Variants in NRXN3 observed in about 807,000 individuals in gnomAD.
NRXN3 encodes neurexin III.
Under a neutral mutation model 137.6 loss-of-function variants are expected in NRXN3, and 32 were observed. The ratio of observed to expected loss-of-function variants is 0.23; its 90% CI spans 0.18 to 0.31. The LOEUF (loss-of-function observed/expected upper bound fraction) is 0.31, where lower values mean the gene tolerates loss of function less well. NRXN3 is among the 10% of genes least tolerant of loss of function. The pLI, the probability that NRXN3 is intolerant of heterozygous loss-of-function variation, is 1.00. For missense variants in NRXN3, 1,574 were observed against 2,062.5 expected, an observed-to-expected ratio of 0.76 and a Z score of 4.59; for synonymous variants, 798 against 784.5, an observed-to-expected ratio of 1.02 and a Z score of -0.29.
chr14:79,576,832 A>T (rs1169935231), intron 16 of NRXN3, among the ~76,000 whole-genome samples: 1 of 152,182 alleles, frequency 6.6e-6, no homozygotes, highest in East Asian at 1.9e-4. Context: ...TCAATATTTT[A>T]AAATTTTCAG....
intron 16 of NRXN3, among the ~76,000 whole-genome samples, chr14:79,546,062 C>T (rs886766448): frequency 9.9e-5 from 15 of 152,132 alleles, no homozygotes; most frequent in African/African-American, 3.6e-4. Flanking sequence ...GCTGCCATTT[C>T]ACGTAAGGTG....
chr14:79,739,797 C>T (rs1461267237), intron 19 of NRXN3, among the ~76,000 whole-genome samples: 1 of 151,992 alleles, frequency 6.6e-6, no homozygotes, highest in African/African-American at 2.4e-5. Flanking sequence ...GCAAGCCCAA[C>T]TCTATGTATC....
intron 8 of NRXN3, chr14:78,744,490 A>T (rs973679022): frequency 6.6e-6 from 1 of 152,320 alleles, no homozygotes; most frequent in Non-Finnish European, 1.5e-5. Flanking sequence ...AGAGAATTTC[A>T]GTTGCCCACG....
intron 15 of NRXN3, among the ~76,000 whole-genome samples, chr14:79,256,160 G>A (rs201185328): frequency 6.8e-6 from 1 of 147,354 alleles, no homozygotes; most frequent in Admixed American, 6.7e-5. Context: ...CTGTCTCTCT[G>A]TCTCTCTCTC....
intron 3 of NRXN3, among the ~76,000 whole-genome samples, chr14:78,281,576 T>G (rs2074415728): frequency 6.6e-6 from 1 of 152,162 alleles, no homozygotes; most frequent in Non-Finnish European, 1.5e-5. Flanking sequence ...TTTCTTCCAC[T>G]TCATGGGGTG....
intron 16 of NRXN3, among the ~76,000 whole-genome samples, chr14:79,565,111 T>G (rs1276960047): frequency 1.3e-5 from 2 of 151,850 alleles, no homozygotes; most frequent in African/African-American, 4.8e-5. Context: ...TTATTGAAAT[T>G]TTATAGCATT....
At chr14:78,189,906 CA>C (rs2060560166) in intron 1 of NRXN3, among the ~76,000 whole-genome samples, 2 of 152,208 alleles carry the variant, frequency 1.3e-5, no homozygotes, top group Admixed American at 1.3e-4. Context: ...ACCCTTTCCA[CA>C]ACAGCACTTT....
At chr14:78,879,172 G>A (rs1426958220) in intron 10 of NRXN3, among the ~76,000 whole-genome samples, 1 of 152,104 alleles carries the variant, frequency 6.6e-6, no homozygotes, top group East Asian at 1.9e-4. Context: ...AGTGAATGTT[G>A]GACTGCAGAT....
chr14:78,960,177 C>T (rs985312842), intron 11 of NRXN3, among the ~76,000 whole-genome samples: 1 of 152,064 alleles, frequency 6.6e-6, no homozygotes, highest in East Asian at 1.9e-4. Context: ...CCCCCAACCC[C>T]CCGAACTTCA....
At chr14:78,973,473 C>CATTAAA (rs2099451555) in intron 14 of NRXN3, among the ~76,000 whole-genome samples, 1 of 152,110 alleles carries the variant, frequency 6.6e-6, no homozygotes, top group South Asian at 2.1e-4. Flanking sequence ...ACACTAATGT[C>CATTAAA]ATTAAAATGT....
chr14:78,896,601 T>G lies in NRXN3; in HGVS notation c.2276-60641T>G, dbSNP rs188669981. 2.0e-5 allele frequency among the ~76,000 whole-genome samples: 3 copies of G among 151,888 alleles called. No homozygotes were observed. In the East Asian group the frequency reaches 5.9e-4, roughly 30 times the overall value. On this transcript the variant is annotated intron_variant, in intron 10 of 20. Transcript: ENST00000335750. ...AATTGAGGGAGAAGAGAGATCAACATTATATATTTCACATGGCAGAGGGTA... is the reference window on the plus strand; with the variant it reads ...AATTGAGGGAGAAGAGAGATCAACAGTATATATTTCACATGGCAGAGGGTA...
chr14:79,060,477 C>G (rs1447398741), intron 15 of NRXN3, among the ~76,000 whole-genome samples: 4 of 152,180 alleles, frequency 2.6e-5, no homozygotes, highest in Non-Finnish European at 4.4e-5. Context: ...ATCTCCATCT[C>G]TATTCCTATG....
At chr14:78,696,552 G>A (rs1288932092) in intron 6 of NRXN3, among the ~76,000 whole-genome samples, 1 of 151,972 alleles carries the variant, frequency 6.6e-6, no homozygotes, top group Non-Finnish European at 1.5e-5. Context: ...TTTCAACTCA[G>A]AGTATATGCT....
chr14:79,518,709 T>C (rs141666481), intron 16 of NRXN3, among the ~76,000 whole-genome samples: 1 of 152,296 alleles, frequency 6.6e-6, no homozygotes, highest in East Asian at 1.9e-4. Flanking sequence ...CTTGTTTAAT[T>C]GCATTAGATA....
At chr14:79,435,579 G>T (rs1050817790) in intron 15 of NRXN3, among the ~76,000 whole-genome samples, 1 of 136,262 alleles carries the variant, frequency 7.3e-6, no homozygotes, top group Non-Finnish European at 1.6e-5. Flanking sequence ...TGGCAAGGAT[G>T]TAGAACACTA....
chr14:78,189,381 C>A (rs1342979652), intron 1 of NRXN3, among the ~76,000 whole-genome samples: 2 of 152,106 alleles, frequency 1.3e-5, no homozygotes, highest in Non-Finnish European at 2.9e-5. Context: ...CCTCCTGTTC[C>A]ACTCTGAGTA....
intron 2 of NRXN3, among the ~76,000 whole-genome samples, chr14:78,265,972 TC>T (rs1430743107): frequency 6.6e-6 from 1 of 152,158 alleles, no homozygotes; most frequent in Non-Finnish European, 1.5e-5. Context: ...CCTAGCACCA[TC>T]CCTGGGACAT....
chr14:79,854,002 T>C (rs1244909413), intron 20 of NRXN3: 1 of 984,272 alleles, frequency 1.0e-6, no homozygotes, highest in Non-Finnish European at 1.2e-6. Context: ...TGTTATGTGG[T>C]GTGGATGTAT....
chr14:78,993,793 A>G (rs1339987633), intron 15 of NRXN3, among the ~76,000 whole-genome samples: 1 of 146,666 alleles, frequency 6.8e-6, no homozygotes, highest in East Asian at 2.1e-4. Context: ...TATGAAGAGC[A>G]GCTGCTTTTA....
Sources: allele counts gnomAD v4.1 joint callset (sites outside exome capture counted in the v4.1 genomes callset), GRCh38; gene constraint gnomAD v4.1.1; transcripts MANE v1.5; gene names NCBI Gene and HGNC (gene_info 2026-07-23, HGNC 2026-07-21).